Variants in KREMEN1 observed in about 807,000 individuals in gnomAD.
KREMEN1 encodes kremen protein 1.
Under a neutral mutation model 46.5 loss-of-function variants are expected in KREMEN1, and 30 were observed. That is an observed-to-expected ratio of 0.65 (90% CI 0.48 to 0.88). KREMEN1 has a LOEUF of 0.88. Among genes scored for constraint, KREMEN1 ranks in the 40% least tolerant of loss-of-function variants. The probability of loss-of-function intolerance (pLI) is 0.00; values close to 1 mark genes in which losing one functional copy is unlikely to be tolerated. For synonymous variants in KREMEN1, 214 were observed against 230.6 expected (o/e 0.93, Z 0.65); for missense variants, 533 against 596.9 (o/e 0.89, Z 1.11).
chr22:29,090,119 T>C (rs1489530254), intron 1 of KREMEN1, among the ~76,000 whole-genome samples: 1 of 152,240 alleles, frequency 6.6e-6, no homozygotes, highest in Non-Finnish European at 1.5e-5. Flanking sequence ...GCACATAGTA[T>C]TGAATAAATA....
In KREMEN1 at chr22:29,137,515, A is replaced by G. The variant is rs749531629; in HGVS notation, c.805A>G (p.Met269Val). The change falls in exon 6 of 9, where the codon ATG becomes GTG. Residue 269 changes from methionine (M) to valine (V), a missense_variant. Coordinates refer to ENST00000400335, the MANE Select transcript of KREMEN1 (RefSeq NM_001039570.3). ...PLFDIRDSAD[M>V]VELLDGYTHR... ...ATTTGACATCAGGGACTCGGCGGACATGGTGGAGCTTCTGGATGGCTACAC... is the reference window on the plus strand; with the variant it reads ...ATTTGACATCAGGGACTCGGCGGACGTGGTGGAGCTTCTGGATGGCTACAC... 1.2e-6 allele frequency: 2 copies of G among 1,611,964 alleles called. No individual in the cohort carries two copies. Among genetic ancestry groups the G allele is most frequent in the South Asian group, 2.2e-5 (2 of 91,040 alleles).
chr22:29,166,794 G>A (rs945499095), intron 9 of KREMEN1, among the ~76,000 whole-genome samples: 4 of 152,072 alleles, frequency 2.6e-5, no homozygotes, highest in Admixed American at 6.6e-5. Context: ...TTAGCCTAAT[G>A]TGGTGGCACA....
At chr22:29,119,669 CT>C (rs776655373) in intron 3 of KREMEN1, among the ~76,000 whole-genome samples, 4 of 152,224 alleles carry the variant, frequency 2.6e-5, no homozygotes, top group Non-Finnish European at 5.9e-5. Flanking sequence ...TGAGGTACAT[CT>C]TTGAAAGCTG....
intron 7 of KREMEN1, among the ~76,000 whole-genome samples, chr22:29,139,489 G>A (rs576571418): frequency 6.6e-6 from 1 of 152,288 alleles, no homozygotes. Context: ...TGTGGTCCCA[G>A]CTACTTAGGA....
At chr22:29,148,336 A>G (rs1018053384), downstream of KREMEN1, among the ~76,000 whole-genome samples, 1 of 152,154 alleles carries the variant, frequency 6.6e-6, no homozygotes, top group African/African-American at 2.4e-5. Context: ...TATGGGGGAC[A>G]GCGTCCTGGG....
intron 1 of KREMEN1, among the ~76,000 whole-genome samples, chr22:29,089,707 C>G (rs1425837135): frequency 6.6e-6 from 1 of 152,244 alleles, no homozygotes; most frequent in Non-Finnish European, 1.5e-5. Flanking sequence ...ATCTAACCCT[C>G]AAGACCTTAC....
rs981593750 is a variant in KREMEN1 at position 29,073,898 on chromosome 22, C to G, written c.97+671C>G. ...GCACCTTGCACCGGGACGACTCCCC[C>G]GCTACAAGAGGCTATACGCCCCTCT... is the stretch of plus-strand genomic sequence containing the variant. On this transcript the variant is annotated intron_variant, in intron 1 of 8. Transcript: ENST00000400335. The surrounding 1 kb of genome is among the most constrained non-coding windows in gnomAD (Gnocchi z 4.4). Among the ~76,000 whole-genome samples the G allele has an allele frequency of 1.3e-5, 2 of 152,156 alleles. No individual in the cohort carries two copies. Among genetic ancestry groups the G allele is most frequent in the African/African-American group, 4.8e-5 (2 of 41,452 alleles).
chr22:29,157,296 C>T (rs2038971382), intron 9 of KREMEN1, among the ~76,000 whole-genome samples: 2 of 152,158 alleles, frequency 1.3e-5, no homozygotes, highest in Non-Finnish European at 2.9e-5. Context: ...GGAGCCGAGG[C>T]CCAGAGAGCA....
At chr22:29,147,119 C>T (rs892577031), downstream of KREMEN1, among the ~76,000 whole-genome samples, 10 of 152,170 alleles carry the variant, frequency 6.6e-5, no homozygotes, top group African/African-American at 1.4e-4. Context: ...GGGCTCGAGC[C>T]GGCCTAGATC....
At chr22:29,160,749 A>T (rs527760204) in intron 9 of KREMEN1, among the ~76,000 whole-genome samples, 1 of 152,336 alleles carries the variant, frequency 6.6e-6, no homozygotes, top group African/African-American at 2.4e-5. Context: ...AGGAAAGCTG[A>T]TGGTGCTCAA....
chr22:29,158,943 C>G (rs2038985916), intron 9 of KREMEN1, among the ~76,000 whole-genome samples: 1 of 151,940 alleles, frequency 6.6e-6, no homozygotes, highest in Non-Finnish European at 1.5e-5. Context: ...CTCAGCCTCC[C>G]AAGTAGCTGG....
chr22:29,098,746 C>A, intron 2 of KREMEN1, 116 bp from the exon 3 acceptor site: 1 of 757,114 alleles, frequency 1.3e-6, no homozygotes, highest in Non-Finnish European at 2.3e-6. Flanking sequence ...AGATACAGAC[C>A]AACTATTAGA....
intron 5 of KREMEN1, among the ~76,000 whole-genome samples, chr22:29,133,668 T>G (rs36020709): frequency 0.14 from 21,505 of 152,080 alleles, 1,796 homozygotes; most frequent in Non-Finnish European, 0.18. Context: ...TTGTTTGTTT[T>G]TTTTGCTTTT....
At position 29,146,698 on chromosome 22, in the gene KREMEN1, T is replaced by G; in HGVS notation, c.*4586T>G. 1.1e-6 allele frequency: 1 copy of G among 920,694 alleles called. No individual in the cohort carries two copies. Among genetic ancestry groups the G allele is most frequent in the East Asian group, 1.2e-4 (1 of 8,484 alleles). 57.0% of individuals were successfully genotyped at this position (920,694 alleles called of 1,614,324 possible). A position where few individuals can be genotyped will look rare whatever the true frequency, so the allele number is the denominator to read the frequency against. ...TGAAGTGTGACGCACTGTATACAAT[T>G]TAATATATATTTTTAGGGTTTTGTT... On this transcript the variant is annotated 3_prime_UTR_variant, in exon 9 of 9. Coordinates refer to ENST00000400335, the MANE Select transcript of KREMEN1 (RefSeq NM_001039570.3).
downstream of KREMEN1, among the ~76,000 whole-genome samples, chr22:29,150,656 A>T (rs2038907963): frequency 6.6e-6 from 1 of 152,190 alleles, no homozygotes; most frequent in African/African-American, 2.4e-5. Flanking sequence ...GATAGAGATT[A>T]AGGGCCCTCA....
chr22:29,135,923 C>T (rs2038649663), intron 5 of KREMEN1, among the ~76,000 whole-genome samples: 1 of 151,988 alleles, frequency 6.6e-6, no homozygotes, highest in Non-Finnish European at 1.5e-5. Flanking sequence ...GCAGCATTCA[C>T]TTGTTGTTGT....
At chr22:29,152,327 C>T (rs1232118766) in intron 9 of KREMEN1, among the ~76,000 whole-genome samples, 1 of 152,222 alleles carries the variant, frequency 6.6e-6, no homozygotes, top group Non-Finnish European at 1.5e-5. Flanking sequence ...GTGGCCTTCA[C>T]ATTGTTTTGC....
At chr22:29,082,901 G>A (rs952593294) in intron 1 of KREMEN1, among the ~76,000 whole-genome samples, 2 of 152,138 alleles carry the variant, frequency 1.3e-5, no homozygotes, top group Non-Finnish European at 2.9e-5. Context: ...GCAAGCTGAA[G>A]TTTCAGCTTT....
At position 29,117,515 on chromosome 22, in the gene KREMEN1, C is replaced by T. The variant is rs552228117; in HGVS notation, c.353-3842C>T. Among the ~76,000 whole-genome samples the T allele has an allele frequency of 5.3e-5, 8 of 150,864 alleles. No homozygotes were observed. The South Asian group carries it at 1.7e-3, about 32-fold the overall frequency. On this transcript the variant is annotated intron_variant, in intron 3 of 8. Coordinates refer to ENST00000400335, the MANE Select transcript of KREMEN1 (RefSeq NM_001039570.3). ...CCGGGAGGCGGAGCTTGCAGTGAGC[C>T]AAGATGGCACCACTGCACTCCAGCC...
Sources: allele counts gnomAD v4.1 joint callset (sites outside exome capture counted in the v4.1 genomes callset), GRCh38; gene constraint gnomAD v4.1.1; non-coding constraint Gnocchi (gnomAD v3.1); transcripts MANE v1.5; gene names NCBI Gene and HGNC (gene_info 2026-07-23, HGNC 2026-07-21).